TNFRSF10B: variants seen among roughly 807,000 people sequenced by gnomAD.
TNFRSF10B encodes tumor necrosis factor receptor superfamily member 10B.
TNFRSF10B carries 35 observed loss-of-function variants against 41.4 expected under a neutral mutation model. The observed-to-expected ratio is 0.85, with a 90% CI of 0.65 to 1.12. The LOEUF is 1.12. Among genes scored for constraint, TNFRSF10B ranks in the 50% most tolerant of loss-of-function variants. The pLI is 0.00. For synonymous variants in TNFRSF10B, 230 were observed against 215.5 expected (o/e 1.07, Z -0.59); for missense variants, 584 against 552.7 (o/e 1.06, Z -0.57).
chr8:23,063,631 C>T (rs1423787845), intron 1 of TNFRSF10B, among the ~76,000 whole-genome samples: 1 of 152,142 alleles, frequency 6.6e-6, no homozygotes, highest in Non-Finnish European at 1.5e-5. Flanking sequence ...ATCATCATTT[C>T]CCTCAGATCT....
At chr8:23,049,739 A>C (rs1158373728) in intron 1 of TNFRSF10B, 1 of 152,068 alleles carries the variant, frequency 6.6e-6, no homozygotes, top group Non-Finnish European at 1.5e-5. Flanking sequence ...CTTCCTCCCC[A>C]GTTCACCTGC....
chr8:23,061,827 A>G (rs973712658), intron 1 of TNFRSF10B, among the ~76,000 whole-genome samples: 2 of 152,184 alleles, frequency 1.3e-5, no homozygotes, highest in Admixed American at 6.5e-5. Context: ...TATTAATGCA[A>G]TGTATTACAT....
intron 1 of TNFRSF10B, among the ~76,000 whole-genome samples, chr8:23,053,638 CCTT>C (rs1364210541): frequency 6.6e-6 from 1 of 152,102 alleles, no homozygotes; most frequent in Non-Finnish European, 1.5e-5. Flanking sequence ...AGAGCACTAA[CCTT>C]CTGTTTAACA....
chr8:23,043,252 A>G lies in TNFRSF10B; in HGVS notation c.145-9T>C. On this transcript the variant is annotated splice_polypyrimidine_tract_variant and intron_variant, in intron 1 of 8. Transcript: ENST00000276431. ...GCAGACTCAGCTGAGACCTGTGGGGACAAAGCAGGGATGGGCATGAGTGGC... is the reference window on the plus strand; with the variant it reads ...GCAGACTCAGCTGAGACCTGTGGGGGCAAAGCAGGGATGGGCATGAGTGGC... The G allele has an allele frequency of 6.2e-7, 1 of 1,613,364 alleles. No individual in the cohort carries two copies. Among genetic ancestry groups the G allele is most frequent in the Non-Finnish European group, 8.5e-7 (1 of 1,179,528 alleles).
intron 1 of TNFRSF10B, among the ~76,000 whole-genome samples, chr8:23,063,743 C>T (rs147523961): frequency 4.6e-4 from 70 of 152,176 alleles, no homozygotes; most frequent in African/African-American, 1.7e-3. Flanking sequence ...CTGAGTGCAC[C>T]CACCTAGTCC....
At chr8:23,043,270 T>A (rs1812261558) in intron 1 of TNFRSF10B, 27 bp from the exon 2 acceptor site, 1 of 1,601,476 alleles carries the variant, frequency 6.2e-7, no homozygotes. Context: ...GGGATGGGCA[T>A]GAGTGGCTTC....
At chr8:23,037,661 C>T (rs764474225) in intron 2 of TNFRSF10B, among the ~76,000 whole-genome samples, 5 of 152,114 alleles carry the variant, frequency 3.3e-5, no homozygotes, top group Non-Finnish European at 7.4e-5. Context: ...TACCATGTTC[C>T]CCACCATCTC....
In TNFRSF10B at chr8:23,053,536, CTG is replaced by C. The variant is rs373542480; in HGVS notation, c.145-10295_145-10294del. Reference sequence around the variant, plus strand: ...TGGAAGGGTAATTGTAAAGACAATTCTGTGTGTAAATGTATTGGCTAAAATTA... The same window carrying C: ...TGGAAGGGTAATTGTAAAGACAATTCTGTGTAAATGTATTGGCTAAAATTA... On this transcript the variant is annotated intron_variant, in intron 1 of 8. Coordinates refer to ENST00000276431, the MANE Select transcript of TNFRSF10B (RefSeq NM_003842.5). 1.9e-3 allele frequency among the ~76,000 whole-genome samples: 285 copies of C among 152,148 alleles called. 4 individuals carry two copies. The South Asian group carries it at 0.024, about 13-fold the overall frequency.
intron 2 of TNFRSF10B, among the ~76,000 whole-genome samples, chr8:23,042,458 T>C (rs1370302650): frequency 2.6e-5 from 4 of 152,096 alleles, no homozygotes; most frequent in South Asian, 4.2e-4. Context: ...CAAGCACACT[T>C]CAGGCCAGGT....
intron 1 of TNFRSF10B, among the ~76,000 whole-genome samples, chr8:23,051,978 C>T (rs1812531543): frequency 6.6e-6 from 1 of 152,040 alleles, no homozygotes; most frequent in Admixed American, 6.6e-5. Flanking sequence ...ACAAGAATAC[C>T]TTGTAGGTTA....
At chr8:23,037,300 A>G (rs1812055592) in intron 2 of TNFRSF10B, among the ~76,000 whole-genome samples, 1 of 152,194 alleles carries the variant, frequency 6.6e-6, no homozygotes, top group South Asian at 2.1e-4. Flanking sequence ...CAACCTGGCT[A>G]CAGCTGCTAC....
chr8:23,039,156 G>A (rs930386916), intron 2 of TNFRSF10B, among the ~76,000 whole-genome samples: 1 of 151,778 alleles, frequency 6.6e-6, no homozygotes, highest in South Asian at 2.1e-4. Flanking sequence ...TAGGGTTCAC[G>A]CTCCTATGAA....
intron 1 of TNFRSF10B, among the ~76,000 whole-genome samples, chr8:23,058,905 AT>A (rs1812746997): frequency 6.6e-6 from 1 of 152,206 alleles, no homozygotes; most frequent in Non-Finnish European, 1.5e-5. Context: ...CATGAAACTT[AT>A]CTTTTAATCT....
In TNFRSF10B at chr8:23,026,273, TTTG is replaced by T. The variant is rs749855949; in HGVS notation, c.936+857_936+859del. Among the ~76,000 whole-genome samples the T allele has an allele frequency of 4.6e-5, 7 of 151,560 alleles. No homozygotes were observed. The East Asian group carries it at 7.8e-4, about 17-fold the overall frequency. ...TTTCAAGGATAAGATCTAGTTTTTTTTTGTTTGTTTGTTTTTTTAAAAAAGAGT... is the reference window on the plus strand; with the variant it reads ...TTTCAAGGATAAGATCTAGTTTTTTTTTTGTTTGTTTTTTTAAAAAAGAGT... On this transcript the variant is annotated intron_variant, in intron 7 of 8. Coordinates refer to ENST00000276431, the MANE Select transcript of TNFRSF10B (RefSeq NM_003842.5).
At chr8:23,030,900 T>G in intron 2 of TNFRSF10B, 28 bp from the exon 3 acceptor site, 1 of 1,513,446 alleles carries the variant, frequency 6.6e-7, no homozygotes, top group Non-Finnish European at 9.1e-7. Context: ...AGCCGGTGAA[T>G]GAAATGCCAC....
rs1364351999 is a variant in TNFRSF10B, at chr8:23,022,645, G to A, written c.*26C>T. The A allele has an allele frequency of 1.9e-6, 3 of 1,613,698 alleles. No individual in the cohort carries two copies. Among genetic ancestry groups the A allele is most frequent in the Admixed American group, 3.3e-5 (2 of 60,018 alleles). On this transcript the variant is annotated 3_prime_UTR_variant, in exon 9 of 9. Transcript: ENST00000276431. ...CCAGAAAAAAGGTAAACCAGGGAAG[G>A]TCTGACTTCCTGAAGAGAATCACAC...
chr8:23,041,331 A>T (rs1302457406), intron 2 of TNFRSF10B, among the ~76,000 whole-genome samples: 2 of 152,044 alleles, frequency 1.3e-5, no homozygotes, highest in Admixed American at 6.6e-5. Context: ...TGCTGGGATT[A>T]CAGGTGTGAG....
rs558173116 is a variant in TNFRSF10B at position 23,029,072 on chromosome 8, A to G, written c.477-470T>C. On this transcript the variant is annotated intron_variant, in intron 4 of 8. Coordinates refer to ENST00000276431, the MANE Select transcript of TNFRSF10B (RefSeq NM_003842.5). ...AAATTACTCTTGGCCCCTAAAACCC[A>G]AATAGGGAAAAGACAGGTCTTACTG... Among the ~76,000 whole-genome samples, 9 of 152,196 alleles carry G rather than the reference A, an allele frequency of 5.9e-5. No individual in the cohort carries two copies. The East Asian group carries it at 1.7e-3, about 29-fold the overall frequency.
chr8:23,026,444 C>G (rs1276450128), intron 7 of TNFRSF10B, among the ~76,000 whole-genome samples: 2 of 152,072 alleles, frequency 1.3e-5, no homozygotes, highest in East Asian at 3.8e-4. Context: ...CAGGGAGTTT[C>G]TCAGCTTATA....
Sources: gnomAD v4.1 joint callset for allele counts (sites outside exome capture counted in the v4.1 genomes callset) on GRCh38, gnomAD v4.1.1 for gene constraint, MANE v1.5 for transcripts, NCBI Gene and HGNC (gene_info 2026-07-23, HGNC 2026-07-21) for gene names.